Variants in OTOG observed in about 807,000 individuals in gnomAD.
OTOG encodes the protein otogelin.
A neutral mutation model predicts 313.8 loss-of-function variants in OTOG; 296 were observed. That is an observed-to-expected ratio of 0.94 (90% CI 0.86 to 1.04). The LOEUF (loss-of-function observed/expected upper bound fraction) is 1.04, where lower values mean the gene tolerates loss of function less well. Ranked by LOEUF, OTOG falls within the 50% of genes least tolerant of loss-of-function variation. OTOG has a pLI of 0.00. For missense variants in OTOG, 3,948 were observed against 3,840.1 expected, an observed-to-expected ratio of 1.03 and a Z score of -0.74; for synonymous variants, 1,533 against 1,554.9, an observed-to-expected ratio of 0.99 and a Z score of 0.33.
chr11:17,555,526 G>A (rs1444021301), intron 6 of OTOG, among the ~76,000 whole-genome samples: 1 of 152,162 alleles, frequency 6.6e-6, no homozygotes, highest in Non-Finnish European at 1.5e-5. Context: ...TGGAATCTGA[G>A]CCATCCAGAC....
rs568013285 is a variant in OTOG at position 17,561,047 on chromosome 11, G to A, written c.1452-44G>A. ...TGCAGTTTCCCAGCATCTAGCTCAG[G>A]CCTGGAGGGGTGACCTCTTGCCTCC... On this transcript the variant is annotated intron_variant, in intron 13 of 55. Transcript: ENST00000399397. The A allele has an allele frequency of 3.9e-5, 61 of 1,548,214 alleles. No homozygotes were observed. In the East Asian group the frequency reaches 1.4e-3, roughly 37 times the overall value.
intron 3 of OTOG, among the ~76,000 whole-genome samples, chr11:17,551,132 G>A (rs913752215): frequency 2.0e-5 from 3 of 152,228 alleles, no homozygotes; most frequent in Non-Finnish European, 4.4e-5. Flanking sequence ...ACTGCATCCA[G>A]CACAATGCTT....
chr11:17,638,146 C>T (rs1325586144), intron 47 of OTOG, among the ~76,000 whole-genome samples: 1 of 152,192 alleles, frequency 6.6e-6, no homozygotes, highest in Non-Finnish European at 1.5e-5. Context: ...CAGACCTTAC[C>T]CTAATGGCTG....
Position 17,611,247 on chromosome 11 carries a change from T to C in OTOG, c.5947T>C (p.Leu1983=), listed in dbSNP as rs1853537054. The C allele has an allele frequency of 6.4e-7, 1 of 1,550,476 alleles. No individual in the cohort carries two copies. Among genetic ancestry groups the C allele is most frequent in the Non-Finnish European group, 8.7e-7 (1 of 1,146,974 alleles). The change falls in exon 36 of 56, where the codon TTG becomes CTG. Residue 1983 remains leucine (L), a synonymous_variant. Coordinates refer to ENST00000399397, the MANE Select transcript of OTOG (RefSeq NM_001292063.2). ...CCCCCAAGACAGCATGCTGGTTCTG[T>C]TGCCTCAGCTGGCTGAGGCCCATGG... is the stretch of plus-strand genomic sequence containing the variant. ...TAPQDSMLVL[L]PQLAEAHGTS...
In OTOG at chr11:17,641,086, G is replaced by T; in HGVS notation, c.8185G>T (p.Glu2729Ter). 6.5e-7 allele frequency: 1 copy of T among 1,541,092 alleles called. No homozygotes were observed. The highest frequency in any genetic ancestry group is 8.7e-7 in the Non-Finnish European group (1 of 1,146,312). The change falls in exon 51 of 56, where the codon GAG becomes TAG. Residue 2729 changes from glutamate to a stop codon, truncating the protein, a stop_gained. Coordinates refer to ENST00000399397, the MANE Select transcript of OTOG (RefSeq NM_001292063.2). LOFTEE classifies it high-confidence loss of function. ...TTSVLCDIHC[E>*]ANQEYEHPRD... ...CTCCGTGCTCTGTGACATCCACTGT[G>T]AGGCGGTAGGGTGCAGCCCAGGGCG...
At position 17,565,823 on chromosome 11, in the gene OTOG, T is replaced by A. The variant is rs1047395162; in HGVS notation, c.1645-3333T>A. On this transcript the variant is annotated intron_variant, in intron 15 of 55. Transcript: ENST00000399397. Reference sequence around the variant, plus strand: ...TCATTATTGCGTGTGTATATGCTAGTGGTGGTGGGGCTTGAGTGTGTGTGT... The same window carrying A: ...TCATTATTGCGTGTGTATATGCTAGAGGTGGTGGGGCTTGAGTGTGTGTGT... Among the ~76,000 whole-genome samples, 4 of 152,144 alleles carry A rather than the reference T, an allele frequency of 2.6e-5. No homozygotes were observed. The East Asian group carries it at 7.7e-4, about 29-fold the overall frequency.
intron 7 of OTOG, 62 bp downstream of exon 7, chr11:17,555,959 T>C: frequency 7.9e-7 from 1 of 1,271,480 alleles, no homozygotes; most frequent in African/African-American, 1.5e-5. Flanking sequence ...GGTGGATGGG[T>C]GAGCATCCGC....
At position 17,612,271 on chromosome 11, in the gene OTOG, T is replaced by C. The variant is rs1271266044; in HGVS notation, c.6233T>C (p.Ile2078Thr). ...PQGAAPPRCG[I>T]LGLAVRVGGD... ...GGTGCTGCTCCCCCTCGCTGTGGGA[T>C]CCTGGGCCTCGCCGTGCGGGTGGGT... The change falls in exon 37 of 56, where the codon ATC becomes ACC. Residue 2078 changes from isoleucine (I) to threonine (T), a missense_variant. Transcript: ENST00000399397. The C allele has an allele frequency of 6.5e-7, 1 of 1,545,112 alleles. No individual in the cohort carries two copies. The highest frequency in any genetic ancestry group is 2.4e-5 in the East Asian group (1 of 40,906).
intron 39 of OTOG, among the ~76,000 whole-genome samples, chr11:17,615,519 G>A (rs997615548): frequency 2.6e-5 from 4 of 152,152 alleles, no homozygotes; most frequent in East Asian, 1.9e-4. Context: ...GTTAATTTTT[G>A]TAAATGGTAC....
chr11:17,572,650 G>A lies in OTOG; in HGVS notation c.2081-428G>A, dbSNP rs1449921012. 2.0e-5 allele frequency among the ~76,000 whole-genome samples: 3 copies of A among 152,198 alleles called. No individual in the cohort carries two copies. The South Asian group carries it at 6.2e-4, about 31-fold the overall frequency. On this transcript the variant is annotated intron_variant, in intron 18 of 55. Transcript: ENST00000399397. ...ATGCTGTTTCTGCAGACACACACATGCCTCAGTTCCTCACTTCTTTCAGAT... is the reference window on the plus strand; with the variant it reads ...ATGCTGTTTCTGCAGACACACACATACCTCAGTTCCTCACTTCTTTCAGAT...
intron 23 of OTOG, among the ~76,000 whole-genome samples, chr11:17,585,311 C>G (rs1361374966): frequency 6.6e-6 from 1 of 152,170 alleles, no homozygotes; most frequent in Non-Finnish European, 1.5e-5. Flanking sequence ...CATCATATTT[C>G]CTTATTTTCC....
chr11:17,574,311 T>G, intron 19 of OTOG, among the ~76,000 whole-genome samples: 1 of 128,670 alleles, frequency 7.8e-6, no homozygotes, highest in African/African-American at 3.1e-5. Flanking sequence ...AGTGAGGGGG[T>G]AGGAGTGTGT....
chr11:17,633,870 G>A lies in OTOG; in HGVS notation c.7263G>A (p.Lys2421=). 6.5e-7 allele frequency: 1 copy of A among 1,532,630 alleles called. No individual in the cohort carries two copies. The highest frequency in any genetic ancestry group is 8.8e-7 in the Non-Finnish European group (1 of 1,138,336). 94.9% of individuals were successfully genotyped at this position (1,532,630 alleles called of 1,614,324 possible). A position where few individuals can be genotyped will look rare whatever the true frequency, so the allele number is the denominator to read the frequency against. ...RHSALCIPEA[K]CACTDSMGVP... The stretch of plus-strand genomic sequence containing the variant: ...CTGCACTCTGCATCCCGGAGGCCAA[G>A]TGCGGTAGGTTCCTCCCCTCCCTGA... The change falls in exon 43 of 56, where the codon AAG becomes AAA. Residue 2421 remains lysine (K), a synonymous_variant. Coordinates refer to ENST00000399397, the MANE Select transcript of OTOG (RefSeq NM_001292063.2).
chr11:17,638,599 G>T, intron 48 of OTOG, 50 bp downstream of exon 48: 5 of 1,527,440 alleles, frequency 3.3e-6, no homozygotes, highest in Non-Finnish European at 4.4e-6. Flanking sequence ...CAGTGGCCCT[G>T]CTGAGGAGGG....
intron 15 of OTOG, among the ~76,000 whole-genome samples, chr11:17,568,110 T>C (rs976554190): frequency 8.6e-6 from 1 of 116,406 alleles, no homozygotes; most frequent in Non-Finnish European, 1.7e-5. Flanking sequence ...GGTTTCACCG[T>C]GTCAGCCAGG....
chr11:17,574,963 G>T, intron 20 of OTOG, 51 bp downstream of exon 20: 4 of 1,433,658 alleles, frequency 2.8e-6, no homozygotes, highest in Non-Finnish European at 3.7e-6. Context: ...GAGGCCAGGG[G>T]TCTCCAGGGC....
At chr11:17,555,700 G>C (rs1852041464) in intron 6 of OTOG, 79 bp from the exon 7 acceptor site, 1 of 1,195,726 alleles carries the variant, frequency 8.4e-7, no homozygotes, top group South Asian at 1.3e-5. Flanking sequence ...CGGCATTAGT[G>C]AAAACTCAAT....
chr11:17,586,549 TG>T lies in OTOG; in HGVS notation c.2839del (p.Asp947ThrfsTer3). The T allele has an allele frequency of 7.0e-7, 1 of 1,433,344 alleles. No homozygotes were observed. Among genetic ancestry groups the T allele is most frequent in the Non-Finnish European group, 9.2e-7 (1 of 1,088,894 alleles). The allele number at this position is 1,433,344 out of a possible 1,614,324, so 88.8% of individuals were successfully genotyped here. On this transcript the variant is annotated frameshift_variant, in exon 24 of 56. Transcript: ENST00000399397. LOFTEE classifies it high-confidence loss of function. Reference protein sequence around the residue: ...CTWKGKEYFPGDQVMSPCHTC... With the variant: ...CTWKGKEYFPXDQVMSPCHTC... The stretch of plus-strand genomic sequence containing the variant: ...CTTGGAAGGGGAAGGAGTATTTCCC[TG>T]GGGACCAGGTGATGTCTCCTTGCCA...
chr11:17,578,744 C>T (rs1407989534), intron 23 of OTOG, among the ~76,000 whole-genome samples: 3 of 152,088 alleles, frequency 2.0e-5, no homozygotes, highest in South Asian at 4.2e-4. Context: ...GAGCCCTGGC[C>T]GCTCATCTGT....
Sources: allele counts gnomAD v4.1 joint callset (sites outside exome capture counted in the v4.1 genomes callset), GRCh38; gene constraint gnomAD v4.1.1; transcripts MANE v1.5; gene names NCBI Gene and HGNC (gene_info 2026-07-23, HGNC 2026-07-21).